NOX4: variants seen among roughly 807,000 people sequenced by gnomAD.
NOX4 encodes the protein kidney oxidase-1.
In NOX4, 69 loss-of-function variants were observed where a neutral mutation model predicts 87.6. The ratio of observed to expected loss-of-function variants is 0.79; its 90% CI spans 0.65 to 0.96. NOX4 has a LOEUF of 0.96. Among genes scored for constraint, NOX4 ranks in the 40% least tolerant of loss-of-function variants. The probability of loss-of-function intolerance (pLI) is 0.00; values close to 1 mark genes in which losing one functional copy is unlikely to be tolerated. For missense variants in NOX4, 680 were observed against 681.5 expected, an observed-to-expected ratio of 1.00 and a Z score of 0.02; for synonymous variants, 275 against 238.2, an observed-to-expected ratio of 1.15 and a Z score of -1.42.
At chr11:89,474,458 C>CAAAA (rs67342388) in intron 2 of NOX4, among the ~76,000 whole-genome samples, 6 of 97,044 alleles carry the variant, frequency 6.2e-5, no homozygotes, top group Non-Finnish European at 1.1e-4. Flanking sequence ...TCTATAATAC[C>CAAAA]AAAAAAAAAA....
chr11:89,363,819 C>A (rs1230171991), intron 12 of NOX4, among the ~76,000 whole-genome samples: 1 of 152,038 alleles, frequency 6.6e-6, no homozygotes, highest in Non-Finnish European at 1.5e-5. Context: ...AATAATAATA[C>A]ATGGTAATGC....
intron 7 of NOX4, among the ~76,000 whole-genome samples, chr11:89,422,315 A>C (rs553016248): frequency 1.3e-5 from 2 of 152,202 alleles, no homozygotes; most frequent in African/African-American, 2.4e-5. Context: ...CTATTATTTT[A>C]TCAATATTCT....
In NOX4 at chr11:89,475,624, G is replaced by A. The variant is rs532885491; in HGVS notation, c.153+14834C>T. Among the ~76,000 whole-genome samples, 4 of 152,166 alleles carry A rather than the reference G, an allele frequency of 2.6e-5. No homozygotes were observed. In the East Asian group the frequency reaches 7.7e-4, roughly 29 times the overall value. On this transcript the variant is annotated intron_variant, in intron 2 of 17. Transcript: ENST00000263317. ...GAGGATATATTAACGTAAAGCGCAGGCTTCAACAGAATAGGTTAGGATGAG... is the reference window on the plus strand; with the variant it reads ...GAGGATATATTAACGTAAAGCGCAGACTTCAACAGAATAGGTTAGGATGAG...
chr11:89,341,281 C>T (rs550029844), intron 14 of NOX4, among the ~76,000 whole-genome samples: 1 of 151,566 alleles, frequency 6.6e-6, no homozygotes, highest in Non-Finnish European at 1.5e-5. Context: ...CAAAACCACG[C>T]CTGGTTGATT....
At chr11:89,431,115 T>C (rs1391938937) in intron 7 of NOX4, among the ~76,000 whole-genome samples, 1 of 152,214 alleles carries the variant, frequency 6.6e-6, no homozygotes, top group Non-Finnish European at 1.5e-5. Context: ...AAGAATTCCC[T>C]ATTTAATAAA....
intron 11 of NOX4, among the ~76,000 whole-genome samples, chr11:89,388,415 G>A (rs1324865630): frequency 5.9e-5 from 9 of 152,004 alleles, no homozygotes; most frequent in African/African-American, 2.2e-4. Flanking sequence ...TCCAATGACT[G>A]GTCAGTTGGG....
chr11:89,456,899 C>T (rs1945227958), intron 2 of NOX4, among the ~76,000 whole-genome samples: 1 of 152,152 alleles, frequency 6.6e-6, no homozygotes, highest in Non-Finnish European at 1.5e-5. Flanking sequence ...CTGGACAGAA[C>T]ATGGTGGTGT....
chr11:89,373,136 A>G (rs1166361425), intron 12 of NOX4, among the ~76,000 whole-genome samples: 6 of 151,778 alleles, frequency 4.0e-5, no homozygotes, highest in East Asian at 1.9e-4. Flanking sequence ...CACTATTGCC[A>G]GCACACCTGA....
the NOX4 span, among the ~76,000 whole-genome samples, chr11:89,513,344 G>A: frequency 6.6e-6 from 1 of 151,138 alleles, no homozygotes; most frequent in Non-Finnish European, 1.5e-5. Context: ...CACATTCATA[G>A]AAGGAATTCC....
upstream of NOX4, among the ~76,000 whole-genome samples, chr11:89,496,873 G>C (rs1946960002): frequency 6.6e-6 from 1 of 152,092 alleles, no homozygotes; most frequent in Admixed American, 6.5e-5. Flanking sequence ...TAGGAAGGTA[G>C]GTAAGGCCAT....
At chr11:89,356,848 C>T (rs927599513) in intron 12 of NOX4, among the ~76,000 whole-genome samples, 81 of 151,938 alleles carry the variant, frequency 5.3e-4, no homozygotes, top group African/African-American at 1.8e-3. Flanking sequence ...CTGGAGAAAA[C>T]TGTTTGTTAA....
At chr11:89,406,874 T>C (rs1442258830) in intron 8 of NOX4, among the ~76,000 whole-genome samples, 2 of 151,920 alleles carry the variant, frequency 1.3e-5, no homozygotes, top group East Asian at 3.9e-4. Flanking sequence ...AGAGTAGAGA[T>C]GGGTAATGAA....
chr11:89,412,071 C>CA (rs1262765207), intron 8 of NOX4, among the ~76,000 whole-genome samples: 2 of 151,644 alleles, frequency 1.3e-5, no homozygotes, highest in Non-Finnish European at 2.9e-5. Flanking sequence ...AAGAAGAGAC[C>CA]AAAAAAATCA....
chr11:89,343,220 C>G (rs1946079141), intron 13 of NOX4, among the ~76,000 whole-genome samples: 1 of 152,152 alleles, frequency 6.6e-6, no homozygotes, highest in South Asian at 2.1e-4. Flanking sequence ...TTTCTTTCAT[C>G]TATAAAAGGG....
At chr11:89,557,894 C>A in the NOX4 span, among the ~76,000 whole-genome samples, 44 of 152,080 alleles carry the variant, frequency 2.9e-4, no homozygotes, top group Non-Finnish European at 4.9e-4. Flanking sequence ...GCAAGGAAAT[C>A]CAACTTGATA....
the NOX4 span, among the ~76,000 whole-genome samples, chr11:89,584,603 A>G: frequency 3.3e-5 from 5 of 152,162 alleles, no homozygotes; most frequent in Admixed American, 1.3e-4. Context: ...ACAATGAACA[A>G]CTTTAAGCAG....
chr11:89,529,261 AG>A, the NOX4 span, among the ~76,000 whole-genome samples: 1 of 152,180 alleles, frequency 6.6e-6, no homozygotes, highest in Non-Finnish European at 1.5e-5. Context: ...GGGTTTTTGC[AG>A]GTATATTTGT....
At chr11:89,491,412 G>T (rs1946851044), upstream of NOX4, 1 of 618,814 alleles carries the variant, frequency 1.6e-6, no homozygotes, top group Non-Finnish European at 2.7e-6. Context: ...CAGCCCGGGC[G>T]GGGTCTGCTA....
the NOX4 span, among the ~76,000 whole-genome samples, chr11:89,580,014 T>C: frequency 6.6e-6 from 1 of 152,106 alleles, no homozygotes; most frequent in Non-Finnish European, 1.5e-5. Flanking sequence ...AACGCTTAGA[T>C]TGCATCCTGG....
Sources: allele counts gnomAD v4.1 joint callset (sites outside exome capture counted in the v4.1 genomes callset), GRCh38; gene constraint gnomAD v4.1.1; transcripts MANE v1.5; gene names NCBI Gene and HGNC (gene_info 2026-07-23, HGNC 2026-07-21).